The following WWOX variants were observed in gnomAD, a reference collection of about 807,000 sequenced individuals.
The protein encoded by WWOX is WW domain containing oxidoreductase.
A neutral mutation model predicts 46.2 loss-of-function variants in WWOX; 69 were observed. The ratio of observed to expected loss-of-function variants is 1.49; its 90% CI spans 1.23 to 1.82. The LOEUF (loss-of-function observed/expected upper bound fraction) is 1.82, where lower values mean the gene tolerates loss of function less well. Among genes scored for constraint, WWOX ranks in the 40% most tolerant of loss-of-function variants. The pLI is 0.00. For synonymous variants in WWOX, 359 were observed against 202.6 expected, an observed-to-expected ratio of 1.77 and a Z score of -6.56; for missense variants, 919 against 542.6, an observed-to-expected ratio of 1.69 and a Z score of -6.89.
At chr16:78,803,170 A>G (rs935150247) in intron 8 of WWOX, among the ~76,000 whole-genome samples, 15 of 151,872 alleles carry the variant, frequency 9.9e-5, no homozygotes, top group African/African-American at 9.7e-5. Flanking sequence ...CACTCACACA[A>G]CAAGTCAGTT....
chr16:78,745,437 C>CCTCAACA (rs2049325814), intron 8 of WWOX, among the ~76,000 whole-genome samples: 1 of 151,946 alleles, frequency 6.6e-6, no homozygotes, highest in African/African-American at 2.4e-5. Context: ...TTCTTTTCTC[C>CCTCAACA]CTCAACATTG....
intron 8 of WWOX, among the ~76,000 whole-genome samples, chr16:78,724,394 C>T (rs547267109): frequency 1.3e-5 from 2 of 152,162 alleles, no homozygotes; most frequent in East Asian, 1.9e-4. Flanking sequence ...TCCTTCATTC[C>T]TGCTTTTCCT....
chr16:79,088,394 A>C (rs938623035), intron 8 of WWOX, among the ~76,000 whole-genome samples: 3 of 152,154 alleles, frequency 2.0e-5, no homozygotes, highest in African/African-American at 7.2e-5. Flanking sequence ...CTGATCAGAT[A>C]AAGACAGGGT....
At chr16:78,922,599 G>C (rs150800492) in intron 8 of WWOX, among the ~76,000 whole-genome samples, 2 of 152,042 alleles carry the variant, frequency 1.3e-5, no homozygotes, top group Admixed American at 6.5e-5. Flanking sequence ...GGCTGCTCTC[G>C]AGCTCCTGAC....
intron 8 of WWOX, among the ~76,000 whole-genome samples, chr16:78,652,428 A>G (rs910586320): frequency 6.7e-6 from 1 of 148,984 alleles, no homozygotes; most frequent in African/African-American, 2.4e-5. Flanking sequence ...AAAAAAAAAA[A>G]AAAGAAAAAG....
chr16:78,774,445 C>T (rs988948563), intron 8 of WWOX, among the ~76,000 whole-genome samples: 7 of 151,922 alleles, frequency 4.6e-5, no homozygotes, highest in African/African-American at 1.7e-4. Context: ...TTGGAATCCA[C>T]GTTGGTGTGT....
chr16:79,164,399 C>T (rs1296837411), intron 8 of WWOX, among the ~76,000 whole-genome samples: 1 of 151,912 alleles, frequency 6.6e-6, no homozygotes, highest in African/African-American at 2.4e-5. Context: ...CCATTTTTTC[C>T]CCGACAGGCT....
At chr16:78,895,642 T>C (rs1376633544) in intron 8 of WWOX, 1 of 152,212 alleles carries the variant, frequency 6.6e-6, no homozygotes. Flanking sequence ...TGACCCCAAA[T>C]GAGAAATAAC....
At chr16:78,658,175 G>C (rs922306733) in intron 8 of WWOX, among the ~76,000 whole-genome samples, 1 of 152,114 alleles carries the variant, frequency 6.6e-6, no homozygotes, top group Non-Finnish European at 1.5e-5. Flanking sequence ...GATACTGCCA[G>C]ATACCCCTGG....
chr16:78,529,479 T>C (rs181119045), intron 8 of WWOX, among the ~76,000 whole-genome samples: 13 of 152,036 alleles, frequency 8.6e-5, no homozygotes, highest in Admixed American at 1.3e-4. Flanking sequence ...GTTTTTTTTA[T>C]TTTTTGAGAT....
At chr16:78,697,844 A>ACCC in intron 8 of WWOX, among the ~76,000 whole-genome samples, 1 of 152,136 alleles carries the variant, frequency 6.6e-6, no homozygotes, top group Non-Finnish European at 1.5e-5. Flanking sequence ...TGGTCCTGAC[A>ACCC]ATACCCCATG....
At chr16:78,731,769 C>A (rs774500743) in intron 8 of WWOX, among the ~76,000 whole-genome samples, 4 of 151,894 alleles carry the variant, frequency 2.6e-5, no homozygotes, top group African/African-American at 4.8e-5. Context: ...CATGAATCCA[C>A]TCTGCAGTTG....
intron 5 of WWOX, among the ~76,000 whole-genome samples, chr16:78,334,665 G>T (rs2080838540): frequency 6.6e-6 from 1 of 151,938 alleles, no homozygotes; most frequent in African/African-American, 2.4e-5. Flanking sequence ...TAATTTAAAT[G>T]ACCCAGTTTC....
intron 8 of WWOX, among the ~76,000 whole-genome samples, chr16:78,433,313 C>A (rs190774481): frequency 1.3e-5 from 2 of 152,104 alleles, no homozygotes; most frequent in South Asian, 4.1e-4. Context: ...AATCATGGTA[C>A]TGTGGTTACA....
rs558679219 is a variant in WWOX, at chr16:78,549,895, A to G, written c.1056+117143A>G. On this transcript the variant is annotated intron_variant, in intron 8 of 8. Transcript: ENST00000566780. The stretch of plus-strand genomic sequence containing the variant: ...TAAAGGATTTTTTATTTAGCCAGAT[A>G]AAATAAACAAGGACAGAGTTGACTG... 2.7e-4 allele frequency among the ~76,000 whole-genome samples: 41 copies of G among 152,326 alleles called. 1 individual carries two copies. The highest frequency in any genetic ancestry group is 9.6e-4 in the African/African-American group (40 of 41,568).
rs2034109070 is a variant in WWOX, at chr16:78,144,464, CACACA to C, written c.410-19718_410-19714del. On this transcript the variant is annotated intron_variant, in intron 4 of 8. Transcript: ENST00000566780. ...ATATATATACACATATATATATATA[CACACA>C]TATATATATATATATATACACACAC... is the stretch of plus-strand genomic sequence containing the variant. 1.7e-4 allele frequency among the ~76,000 whole-genome samples: 3 copies of C among 17,970 alleles called. 1 individual carries two copies. Among genetic ancestry groups the C allele is most frequent in the African/African-American group, 4.8e-4 (3 of 6,286 alleles). The allele number at this position is 17,970 out of a possible 152,430, so 11.8% of individuals were successfully genotyped here.
At chr16:78,913,005 A>G (rs1479921412) in intron 8 of WWOX, among the ~76,000 whole-genome samples, 2 of 152,028 alleles carry the variant, frequency 1.3e-5, no homozygotes, top group African/African-American at 4.8e-5. Context: ...TTAGCCTTCC[A>G]TCTCTCGAGT....
intron 8 of WWOX, among the ~76,000 whole-genome samples, chr16:78,989,375 G>A (rs2046840436): frequency 6.6e-6 from 1 of 151,998 alleles, no homozygotes; most frequent in Non-Finnish European, 1.5e-5. Flanking sequence ...CCCCAAGATA[G>A]AATGGCCCTG....
chr16:79,103,183 C>A (rs1044128562), intron 8 of WWOX, among the ~76,000 whole-genome samples: 15 of 152,208 alleles, frequency 9.9e-5, no homozygotes, highest in African/African-American at 2.7e-4. Context: ...CTCTCCCTAG[C>A]CATTAGCCAA....
Sources: gnomAD v4.1 joint callset for allele counts (sites outside exome capture counted in the v4.1 genomes callset) on GRCh38, gnomAD v4.1.1 for gene constraint, MANE v1.5 for transcripts, NCBI Gene and HGNC (gene_info 2026-07-23, HGNC 2026-07-21) for gene names.